Variants in COPZ2 observed in about 807,000 individuals in gnomAD.
COPZ2 encodes coat protein complex I subunit zeta 2, also known as coatomer subunit zeta-2.
A neutral mutation model predicts 33.2 loss-of-function variants in COPZ2; 30 were observed. The ratio of observed to expected loss-of-function variants is 0.90; its 90% CI spans 0.68 to 1.23. The LOEUF (loss-of-function observed/expected upper bound fraction) is 1.23. COPZ2 is among the 50% of genes most tolerant of loss of function. COPZ2 has a pLI of 0.00. For synonymous variants in COPZ2, 89 were observed against 102.6 expected, an observed-to-expected ratio of 0.87 and a Z score of 0.80; for missense variants, 263 against 262.4, an observed-to-expected ratio of 1.00 and a Z score of -0.02.
intron 2 of COPZ2, 45 bp downstream of exon 2, chr17:48,036,806 A>G: frequency 6.4e-7 from 1 of 1,573,886 alleles, no homozygotes; most frequent in South Asian, 1.1e-5. Flanking sequence ...CAGGAGTGTC[A>G]GCTGAGTGGG....
chr17:48,034,049 T>TTGAAAA, intron 2 of COPZ2, 105 bp from the exon 3 acceptor site: 1 of 738,396 alleles, frequency 1.4e-6, no homozygotes, highest in Non-Finnish European at 2.4e-6. Flanking sequence ...GGGATCCTGC[T>TTGAAAA]TCCCTGCCCC....
At chr17:48,032,082 G>T in intron 6 of COPZ2, 74 bp downstream of exon 6, 1 of 1,236,170 alleles carries the variant, frequency 8.1e-7, no homozygotes, top group Non-Finnish European at 1.2e-6. Flanking sequence ...TTCTAGCCAT[G>T]CTGGGTGCCA....
At chr17:48,030,289 A>AACAGACACAC (rs1555571307) in intron 6 of COPZ2, among the ~76,000 whole-genome samples, 8 of 128,308 alleles carry the variant, frequency 6.2e-5, no homozygotes, top group Non-Finnish European at 3.5e-5. Flanking sequence ...TCCATCTCAA[A>AACAGACACAC]ACACACACAC....
Position 48,037,300 on chromosome 17 carries a change from T to G in COPZ2, c.111+367A>C. 1 of 484,930 alleles carries G rather than the reference T, an allele frequency of 2.1e-6. No individual in the cohort carries two copies. 30.0% of individuals were successfully genotyped at this position (484,930 alleles called of 1,614,324 possible). A position where few individuals can be genotyped will look rare whatever the true frequency, so the allele number is the denominator to read the frequency against. Reference sequence around the variant, plus strand: ...ATCCCTGGCCGGGCTGGACCTGCGCTATCAGCGCGCCCCCAGGCCCTGGCC... The same window carrying G: ...ATCCCTGGCCGGGCTGGACCTGCGCGATCAGCGCGCCCCCAGGCCCTGGCC... On this transcript the variant is annotated intron_variant, in intron 1 of 8. Coordinates refer to ENST00000621465, the MANE Select transcript of COPZ2 (RefSeq NM_016429.4). The surrounding 1 kb of genome is among the most constrained non-coding windows in gnomAD (Gnocchi z 5.6).
intron 6 of COPZ2, among the ~76,000 whole-genome samples, chr17:48,030,289 A>AACACACACACACACACACACACAC (rs71935471): frequency 7.8e-6 from 1 of 128,308 alleles, no homozygotes. Context: ...TCCATCTCAA[A>AACACACACACACACACACACACAC]ACACACACAC....
chr17:48,028,499 G>T lies in COPZ2; in HGVS notation c.558C>A (p.Gly186=), dbSNP rs368840240. The T allele has an allele frequency of 1.9e-6, 3 of 1,607,916 alleles. No homozygotes were observed. Among genetic ancestry groups the T allele is most frequent in the Non-Finnish European group, 2.5e-6 (3 of 1,177,310 alleles). ...IQKVNFRADD[G]GLTEQSVAQV... The stretch of plus-strand genomic sequence containing the variant: ...GGGCCACACTCTGTTCAGTCAAGCC[G>T]CCATCATCTGCCTGTAAGGAAGCAG... Residue 186 remains glycine, a synonymous_variant, in exon 8 of 9, where the codon GGC becomes GGA. Transcript: ENST00000621465. This position sits in a 1 kb window ranked among gnomAD's most constrained non-coding sequence, Gnocchi z 4.5.
intron 6 of COPZ2, among the ~76,000 whole-genome samples, chr17:48,030,156 G>C (rs1018809828): frequency 1.3e-5 from 2 of 149,498 alleles, no homozygotes; most frequent in Non-Finnish European, 1.5e-5. Context: ...TAATGGTGGC[G>C]CACGCCTATA....
chr17:48,031,582 C>T (rs1212933834), intron 6 of COPZ2: 1 of 152,226 alleles, frequency 6.6e-6, no homozygotes, highest in African/African-American at 2.4e-5. Context: ...TCCTAGCTTC[C>T]TAAGAATATA....
Position 48,037,730 on chromosome 17 carries a change from G to C in COPZ2, c.48C>G (p.Ala16=). 9.4e-7 allele frequency: 1 copy of C among 1,064,918 alleles called. No individual in the cohort carries two copies. The highest frequency in any genetic ancestry group is 4.4e-5 in the South Asian group (1 of 22,818). The allele number at this position is 1,064,918 out of a possible 1,614,324, so 66.0% of individuals were successfully genotyped here. ...AWPRPHPGEG[A]AAAQAGGPAP... is the part of the protein sequence containing the mutation. ...CCGGGCCCCCGGCCTGGGCCGCCGC[G>C]GCCCCCTCCCCCGGGTGCGGACGTG... Residue 16 remains alanine, a synonymous_variant, in exon 1 of 9, where the codon GCC becomes GCG. Transcript: ENST00000621465. This position sits in a 1 kb window ranked among gnomAD's most constrained non-coding sequence, Gnocchi z 5.6.
chr17:48,038,281 C>T (rs977905361), upstream of COPZ2, among the ~76,000 whole-genome samples: 8 of 152,148 alleles, frequency 5.3e-5, no homozygotes, highest in African/African-American at 1.9e-4. Flanking sequence ...TTTCTCATTC[C>T]TCTCTCACTA....
intron 4 of COPZ2, 122 bp from the exon 5 acceptor site, chr17:48,032,863 T>C: frequency 1.3e-6 from 1 of 752,366 alleles, no homozygotes; most frequent in East Asian, 2.7e-5. Context: ...GGCTGGAGAC[T>C]GACTGCGGTG....
chr17:48,027,215 T>G (rs2036829638), intron 8 of COPZ2, among the ~76,000 whole-genome samples: 1 of 152,226 alleles, frequency 6.6e-6, no homozygotes, highest in African/African-American at 2.4e-5. Flanking sequence ...TTGTCCTCAT[T>G]TTATCCCCCA....
rs927298463 is a variant in COPZ2, at chr17:48,026,456, T to C, written c.605A>G (p.Glu202Gly). The change falls in exon 9 of 9, where the codon GAA becomes GGA. Residue 202 changes from glutamate (E) to glycine (G), a missense_variant. Glu to Gly is a moderately conservative substitution (Grantham distance 98). Coordinates refer to ENST00000621465, the MANE Select transcript of COPZ2 (RefSeq NM_016429.4). ...SVAQVLQSAK[E>G]QIKWSLLK ...TTTCAATAACGACCATTTAATTTGT[T>C]CCTTGGCAGACTGAAGAACCTGGGG... is the stretch of plus-strand genomic sequence containing the variant. 1.9e-6 allele frequency: 3 copies of C among 1,612,646 alleles called. No homozygotes were observed. In the African/African-American group the frequency reaches 4.0e-5, roughly 22 times the overall value.
intron 3 of COPZ2, 129 bp from the exon 4 acceptor site, chr17:48,033,431 G>C (rs1291612496): frequency 1.2e-5 from 8 of 659,150 alleles, no homozygotes; most frequent in Non-Finnish European, 1.9e-5. Context: ...GGAAAGACCA[G>C]CACTAGGGAC....
At chr17:48,034,703 C>T (rs751501309) in intron 2 of COPZ2, among the ~76,000 whole-genome samples, 1 of 152,122 alleles carries the variant, frequency 6.6e-6, no homozygotes, top group Admixed American at 6.5e-5. Flanking sequence ...CAGGTAATGG[C>T]CTGGCATGGT....
intron 2 of COPZ2, among the ~76,000 whole-genome samples, chr17:48,035,666 C>T (rs1243662378): frequency 2.0e-5 from 3 of 152,032 alleles, no homozygotes; most frequent in African/African-American, 4.8e-5. Context: ...TCAAGCAGTC[C>T]ACCCGCCTCG....
At position 48,033,305 on chromosome 17, in the gene COPZ2, A is replaced by C. The variant is rs1224808662; in HGVS notation, c.269-3T>G. On this transcript the variant is annotated splice_region_variant and splice_polypyrimidine_tract_variant and intron_variant, in intron 3 of 8. Transcript: ENST00000621465. ...ACCCCCAAAAAATGCAATCTCACCT[A>C]GAAGTGGAGGGAGCTTTCAGTCCTG... is the stretch of plus-strand genomic sequence containing the variant. 1 of 1,602,150 alleles carries C rather than the reference A, an allele frequency of 6.2e-7. No individual in the cohort carries two copies. Among genetic ancestry groups the C allele is most frequent in the Non-Finnish European group, 8.5e-7 (1 of 1,170,780 alleles).
chr17:48,031,995 C>T (rs979849335), intron 6 of COPZ2, 161 bp downstream of exon 6: 12 of 638,548 alleles, frequency 1.9e-5, no homozygotes, highest in East Asian at 2.7e-5. Context: ...ATGAGTGGGG[C>T]GCTAGTAAGG....
Position 48,037,787 on chromosome 17 carries a change from C to A in COPZ2, c.-10G>T. On this transcript the variant is annotated 5_prime_UTR_variant, in exon 1 of 9. Coordinates refer to ENST00000621465, the MANE Select transcript of COPZ2 (RefSeq NM_016429.4). The surrounding 1 kb of genome is among the most constrained non-coding windows in gnomAD (Gnocchi z 5.6). ...CCTCGGGCCGCTGCATTCCGCTCGC[C>A]GCCTCGCACTGACAGCGCCGCCCGC... The A allele has an allele frequency of 1.0e-6, 1 of 1,001,144 alleles. No homozygotes were observed. The highest frequency in any genetic ancestry group is 1.2e-6 in the Non-Finnish European group (1 of 841,778). 62.0% of individuals were successfully genotyped at this position (1,001,144 alleles called of 1,614,324 possible). A position where few individuals can be genotyped will look rare whatever the true frequency, so the allele number is the denominator to read the frequency against.
Sources: gnomAD v4.1 joint callset for allele counts (sites outside exome capture counted in the v4.1 genomes callset) on GRCh38, gnomAD v4.1.1 for gene constraint, Gnocchi (gnomAD v3.1) non-coding constraint, MANE v1.5 for transcripts, NCBI Gene and HGNC (gene_info 2026-07-23, HGNC 2026-07-21) for gene names.